DSCAM: variants seen among roughly 807,000 people sequenced by gnomAD.
DSCAM encodes the protein DS cell adhesion molecule.
In DSCAM, 47 loss-of-function variants were observed where a neutral mutation model predicts 217.7. The observed-to-expected ratio is 0.22, with a 90% CI of 0.17 to 0.28. The LOEUF (loss-of-function observed/expected upper bound fraction) is 0.28, where lower values mean the gene tolerates loss of function less well. Among genes scored for constraint, DSCAM ranks in the 10% least tolerant of loss-of-function variants. The pLI, the probability that DSCAM is intolerant of heterozygous loss-of-function variation, is 1.00. For missense variants in DSCAM, 2,080 were observed against 2,618.3 expected (o/e 0.79, Z 4.49); for synonymous variants, 1,056 against 1,015.3 (o/e 1.04, Z -0.76).
At chr21:40,677,583 C>T (rs1468930045) in intron 3 of DSCAM, among the ~76,000 whole-genome samples, 5 of 152,138 alleles carry the variant, frequency 3.3e-5, no homozygotes, top group Admixed American at 3.3e-4. Context: ...AAGGATATTT[C>T]CATCTATTAA....
chr21:40,297,078 C>T (rs932728790), intron 9 of DSCAM, among the ~76,000 whole-genome samples: 1 of 152,182 alleles, frequency 6.6e-6, no homozygotes, highest in African/African-American at 2.4e-5. Context: ...GATGTCAGCA[C>T]CACGGTGGGC....
At chr21:40,632,969 G>A (rs1368549127) in intron 3 of DSCAM, among the ~76,000 whole-genome samples, 1 of 151,934 alleles carries the variant, frequency 6.6e-6, no homozygotes, top group Non-Finnish European at 1.5e-5. Context: ...CTCTTTATTT[G>A]TCCTAAGAGA....
At chr21:40,183,601 G>A (rs1394341163) in intron 14 of DSCAM, among the ~76,000 whole-genome samples, 11 of 152,202 alleles carry the variant, frequency 7.2e-5, no homozygotes, top group Non-Finnish European at 1.5e-4. Context: ...TTGGCCAAAG[G>A]GTTAAGAGGT....
chr21:40,085,588 C>A lies in DSCAM; in HGVS notation c.4132+14G>T. 6.7e-7 allele frequency: 1 copy of A among 1,496,052 alleles called. No homozygotes were observed. The highest frequency in any genetic ancestry group is 9.0e-7 in the Non-Finnish European group (1 of 1,106,820). The allele number at this position is 1,496,052 out of a possible 1,614,324, so 92.7% of individuals were successfully genotyped here. On this transcript the variant is annotated intron_variant, in intron 23 of 32. Coordinates refer to ENST00000400454, the MANE Select transcript of DSCAM (RefSeq NM_001389.5). Reference sequence around the variant, plus strand: ...GTAAAAGATATCATTAAAAAGAGTCCTCAAATGTTGTACCTTGTACTTGTA... The same window carrying A: ...GTAAAAGATATCATTAAAAAGAGTCATCAAATGTTGTACCTTGTACTTGTA...
chr21:40,540,823 CAACT>C (rs769289752), intron 3 of DSCAM, among the ~76,000 whole-genome samples: 17 of 152,096 alleles, frequency 1.1e-4, no homozygotes, highest in Non-Finnish European at 2.4e-4. Flanking sequence ...TTGAGCCAAC[CAACT>C]AACAACTGAG....
intron 3 of DSCAM, among the ~76,000 whole-genome samples, chr21:40,451,747 G>A (rs1432769112): frequency 1.3e-5 from 2 of 152,108 alleles, no homozygotes; most frequent in Non-Finnish European, 2.9e-5. Flanking sequence ...ATGTGTGCAC[G>A]CCAGAAACTA....
chr21:40,429,954 A>C (rs1281937115), intron 3 of DSCAM, among the ~76,000 whole-genome samples: 1 of 152,240 alleles, frequency 6.6e-6, no homozygotes, highest in East Asian at 1.9e-4. Context: ...AAAAATGACC[A>C]AGAAAAGAGC....
At chr21:40,358,286 T>C (rs2074717963) in intron 4 of DSCAM, among the ~76,000 whole-genome samples, 1 of 152,216 alleles carries the variant, frequency 6.6e-6, no homozygotes. Flanking sequence ...TTTTAAAAAA[T>C]GGCTGAGACA....
intron 11 of DSCAM, among the ~76,000 whole-genome samples, chr21:40,263,993 T>C (rs1247960769): frequency 6.6e-6 from 1 of 151,848 alleles, no homozygotes; most frequent in Non-Finnish European, 1.5e-5. Flanking sequence ...CCCCATAGCT[T>C]AAATCAGGAA....
intron 3 of DSCAM, among the ~76,000 whole-genome samples, chr21:40,652,154 A>T (rs2090021410): frequency 8.2e-6 from 1 of 121,520 alleles, no homozygotes; most frequent in Non-Finnish European, 1.7e-5. Flanking sequence ...GGCCTGTTGA[A>T]GGGTGGGGGT....
intron 8 of DSCAM, among the ~76,000 whole-genome samples, chr21:40,331,596 C>A (rs918401332): frequency 6.6e-6 from 1 of 152,146 alleles, no homozygotes; most frequent in Non-Finnish European, 1.5e-5. Context: ...CTACAGTACA[C>A]AAAGTACCAC....
intron 3 of DSCAM, among the ~76,000 whole-genome samples, chr21:40,461,278 TG>T (rs2075803874): frequency 6.6e-6 from 1 of 152,184 alleles, no homozygotes; most frequent in South Asian, 2.1e-4. Flanking sequence ...AGGAACTGTG[TG>T]ACTATAGGCA....
intron 8 of DSCAM, among the ~76,000 whole-genome samples, chr21:40,330,086 C>G (rs2074360187): frequency 6.6e-6 from 1 of 151,544 alleles, no homozygotes; most frequent in African/African-American, 2.4e-5. Flanking sequence ...TTTAGTCATT[C>G]CACAATGGAT....
chr21:40,533,564 TCCATCCATCCATCCATCCAA>T (rs2076468714), intron 3 of DSCAM, among the ~76,000 whole-genome samples: 4 of 147,040 alleles, frequency 2.7e-5, no homozygotes, highest in Non-Finnish European at 4.5e-5. Context: ...CATTCATCCA[TCCATCCATCCATCCATCCAA>T]CCATCCATCC....
At chr21:40,722,713 A>G (rs1260686461) in intron 1 of DSCAM, among the ~76,000 whole-genome samples, 2 of 152,114 alleles carry the variant, frequency 1.3e-5, no homozygotes, top group Non-Finnish European at 2.9e-5. Context: ...AAATTGCCTA[A>G]ACACTCTTAA....
At chr21:40,741,534 T>C (rs1295492064) in intron 1 of DSCAM, among the ~76,000 whole-genome samples, 1 of 133,490 alleles carries the variant, frequency 7.5e-6, no homozygotes, top group Non-Finnish European at 1.7e-5. Flanking sequence ...AAATGCAATA[T>C]CTCAGCCCCC....
intron 1 of DSCAM, among the ~76,000 whole-genome samples, chr21:40,776,610 G>T (rs983482569): frequency 2.0e-5 from 3 of 152,100 alleles, no homozygotes; most frequent in African/African-American, 7.2e-5. Context: ...GACAGGAGGA[G>T]TCATTGTGGA....
At chr21:40,839,383 C>T (rs147688192) in intron 1 of DSCAM, among the ~76,000 whole-genome samples, 1 of 152,286 alleles carries the variant, frequency 6.6e-6, no homozygotes, top group African/African-American at 2.4e-5. Flanking sequence ...TACTATTCTG[C>T]CGTGAAACAT....
chr21:40,485,385 G>A, intron 3 of DSCAM, among the ~76,000 whole-genome samples: 1 of 151,914 alleles, frequency 6.6e-6, no homozygotes, highest in Non-Finnish European at 1.5e-5. Context: ...TGGGACTACA[G>A]GCGCCCGCCA....
Sources: gnomAD v4.1 joint callset for allele counts (sites outside exome capture counted in the v4.1 genomes callset) on GRCh38, gnomAD v4.1.1 for gene constraint, MANE v1.5 for transcripts, NCBI Gene and HGNC (gene_info 2026-07-23, HGNC 2026-07-21) for gene names.